SMCO4: variants seen among roughly 807,000 people sequenced by gnomAD.
SMCO4 encodes the protein single-pass membrane and coiled-coil domain-containing protein 4.
A neutral mutation model predicts 3.6 loss-of-function variants in SMCO4; 4 were observed. That is an observed-to-expected ratio of 1.11 (90% CI 0.54 to 2.53). The LOEUF (loss-of-function observed/expected upper bound fraction) is 2.53, where lower values mean the gene tolerates loss of function less well. Ranked by LOEUF, SMCO4 falls within the 30% of genes most tolerant of loss-of-function variation. The pLI is 0.02. For missense variants in SMCO4, 70 were observed against 80.8 expected, an observed-to-expected ratio of 0.87 and a Z score of 0.51; for synonymous variants, 36 against 35.3, an observed-to-expected ratio of 1.02 and a Z score of -0.07.
At chr11:93,495,898 T>C (rs559739695) in intron 2 of SMCO4, among the ~76,000 whole-genome samples, 36 of 152,314 alleles carry the variant, frequency 2.4e-4, no homozygotes, top group Admixed American at 2.0e-4. Flanking sequence ...TTTATTGCGT[T>C]TGGAAAATTG....
At chr11:93,530,979 C>A (rs939833972) in intron 1 of SMCO4, among the ~76,000 whole-genome samples, 1 of 152,192 alleles carries the variant, frequency 6.6e-6, no homozygotes, top group Non-Finnish European at 1.5e-5. Context: ...GAAATAGGGT[C>A]TTTGCAGATA....
chr11:93,525,636 G>T (rs555187631), intron 1 of SMCO4, among the ~76,000 whole-genome samples: 50 of 152,140 alleles, frequency 3.3e-4, no homozygotes, highest in Non-Finnish European at 6.0e-4. Context: ...TACACCCTAC[G>T]ACCAACCAGA....
At chr11:93,551,183 T>C in the SMCO4 span, among the ~76,000 whole-genome samples, 2 of 101,264 alleles carry the variant, frequency 2.0e-5, no homozygotes, top group Admixed American at 1.2e-4. Flanking sequence ...TAATTACAAA[T>C]TTTACAAATG....
upstream of SMCO4, among the ~76,000 whole-genome samples, chr11:93,544,012 C>T (rs941797116): frequency 4.6e-5 from 7 of 152,216 alleles, no homozygotes; most frequent in African/African-American, 1.4e-4. Context: ...GCGCCAAATC[C>T]GCAAGAGGCC....
intron 2 of SMCO4, among the ~76,000 whole-genome samples, chr11:93,498,549 G>A (rs1432029960): frequency 6.6e-6 from 1 of 152,220 alleles, no homozygotes; most frequent in Non-Finnish European, 1.5e-5. Context: ...AGCTCTGCCT[G>A]TCACCTCCCT....
intron 1 of SMCO4, among the ~76,000 whole-genome samples, chr11:93,514,374 C>CTATATATATATATA (rs148462986): frequency 4.4e-4 from 17 of 39,076 alleles, no homozygotes; most frequent in Non-Finnish European, 9.0e-4. Flanking sequence ...CAGGATGAGG[C>CTATATATATATATA]TATATATATA....
chr11:93,493,784 A>G (rs999839706), intron 2 of SMCO4, among the ~76,000 whole-genome samples: 1 of 151,952 alleles, frequency 6.6e-6, no homozygotes, highest in African/African-American at 2.4e-5. Context: ...AACAAGCCAA[A>G]CTCTTGCCCA....
At chr11:93,506,518 A>C (rs1049930915) in intron 1 of SMCO4, among the ~76,000 whole-genome samples, 6 of 149,888 alleles carry the variant, frequency 4.0e-5, no homozygotes, top group Non-Finnish European at 8.9e-5. Context: ...GGCTCACTGC[A>C]ACCTCCACCT....
At chr11:93,529,469 A>C (rs1028642931) in intron 1 of SMCO4, among the ~76,000 whole-genome samples, 1 of 152,222 alleles carries the variant, frequency 6.6e-6, no homozygotes, top group East Asian at 1.9e-4. Flanking sequence ...TCACAATGAC[A>C]TCGGCCTCCC....
Position 93,479,204 on chromosome 11 carries a change from G to C in SMCO4, c.-15C>G. On this transcript the variant is annotated 5_prime_UTR_variant, in exon 3 of 3. Coordinates refer to ENST00000298966, the MANE Select transcript of SMCO4 (RefSeq NM_020179.3). Reference sequence around the variant, plus strand: ...AGCTGCCGCATCTTTCCTAGAGGATGCTAGGAGGGTGTGTCCAGAGGGATT... The same window carrying C: ...AGCTGCCGCATCTTTCCTAGAGGATCCTAGGAGGGTGTGTCCAGAGGGATT... 6.2e-7 allele frequency: 1 copy of C among 1,611,924 alleles called. No homozygotes were observed. The highest frequency in any genetic ancestry group is 2.2e-5 in the East Asian group (1 of 44,852).
chr11:93,528,446 G>A (rs1054744636), intron 1 of SMCO4, among the ~76,000 whole-genome samples: 4 of 152,208 alleles, frequency 2.6e-5, no homozygotes, highest in African/African-American at 7.2e-5. Context: ...CCACCTGCTC[G>A]TCTCTGCCTC....
intron 1 of SMCO4, among the ~76,000 whole-genome samples, chr11:93,529,012 GAACACGT>G (rs1280015778): frequency 6.6e-6 from 1 of 152,130 alleles, no homozygotes; most frequent in Admixed American, 6.6e-5. Flanking sequence ...TATGGGAGGG[GAACACGT>G]GGAGCCCTGT....
At chr11:93,545,788 G>A (rs944417928), upstream of SMCO4, among the ~76,000 whole-genome samples, 1 of 152,158 alleles carries the variant, frequency 6.6e-6, no homozygotes, top group Non-Finnish European at 1.5e-5. Context: ...AGTTGGCCTT[G>A]TGACTTCCTT....
chr11:93,507,353 T>C (rs1240724073), intron 1 of SMCO4, among the ~76,000 whole-genome samples: 1 of 152,142 alleles, frequency 6.6e-6, no homozygotes. Flanking sequence ...TGACCTGAGA[T>C]TGTGGCACTG....
chr11:93,551,795 A>T, the SMCO4 span, among the ~76,000 whole-genome samples: 2 of 152,252 alleles, frequency 1.3e-5, no homozygotes, highest in Non-Finnish European at 2.9e-5. Flanking sequence ...TGTACTAAAC[A>T]TCTGATGTGA....
intron 1 of SMCO4, among the ~76,000 whole-genome samples, chr11:93,505,856 AATGATGATGATGATG>A (rs61060663): frequency 9.4e-5 from 14 of 149,644 alleles, no homozygotes; most frequent in African/African-American, 2.0e-4. Flanking sequence ...AAGCCCTTGC[AATGATGATGATGATG>A]ATGATGATGA....
chr11:93,553,773 C>T, the SMCO4 span, among the ~76,000 whole-genome samples: 1 of 152,156 alleles, frequency 6.6e-6, no homozygotes, highest in Non-Finnish European at 1.5e-5. Context: ...CTAAGTAGTC[C>T]AAGGGCTTCA....
intron 1 of SMCO4, among the ~76,000 whole-genome samples, chr11:93,499,732 T>C (rs1368214707): frequency 1.3e-5 from 2 of 152,054 alleles, no homozygotes; most frequent in East Asian, 3.9e-4. Flanking sequence ...GATTTAAAAA[T>C]GAAGGATACA....
chr11:93,483,216 G>A (rs910760203), intron 2 of SMCO4, among the ~76,000 whole-genome samples: 1 of 152,184 alleles, frequency 6.6e-6, no homozygotes, highest in African/African-American at 2.4e-5. Context: ...CTCAGGGAAA[G>A]AGAAATCAAG....
Sources: gnomAD v4.1 joint callset for allele counts (sites outside exome capture counted in the v4.1 genomes callset) on GRCh38, gnomAD v4.1.1 for gene constraint, MANE v1.5 for transcripts, NCBI Gene and HGNC (gene_info 2026-07-23, HGNC 2026-07-21) for gene names.